Variants in IL1RAPL2 observed in about 807,000 individuals in gnomAD.
The protein encoded by IL1RAPL2 is X-linked interleukin-1 receptor accessory protein-like 2.
In IL1RAPL2, 3 loss-of-function variants were observed where a neutral mutation model predicts 44.1. The observed-to-expected ratio is 0.07, with a 90% CI of 0.03 to 0.18. IL1RAPL2 has a LOEUF of 0.18. Ranked by LOEUF, IL1RAPL2 falls within the 10% of genes least tolerant of loss-of-function variation. The pLI, the probability that IL1RAPL2 is intolerant of heterozygous loss-of-function variation, is 1.00. For synonymous variants in IL1RAPL2, 181 were observed against 178.8 expected, an observed-to-expected ratio of 1.01 and a Z score of -0.10; for missense variants, 391 against 496.4, an observed-to-expected ratio of 0.79 and a Z score of 2.02.
At chrX:105,590,535 G>T (rs1418297228) in intron 6 of IL1RAPL2, among the ~76,000 whole-genome samples, 1 of 111,136 alleles carries the variant, frequency 9.0e-6, no homozygotes, top group Non-Finnish European at 1.9e-5. Flanking sequence ...TTATTTGGAG[G>T]TTTATTCATT....
intron 2 of IL1RAPL2, among the ~76,000 whole-genome samples, chrX:104,726,845 T>C (rs896409711): frequency 1.8e-5 from 2 of 111,058 alleles, no homozygotes; most frequent in Admixed American, 1.9e-4. Context: ...AGTAATGTGA[T>C]GTTTCTACCC....
At chrX:104,673,172 C>A (rs1423429253) in intron 2 of IL1RAPL2, among the ~76,000 whole-genome samples, 17 of 111,538 alleles carry the variant, frequency 1.5e-4, no homozygotes, top group Non-Finnish European at 1.9e-5. Context: ...AGTCCTTGCC[C>A]ATGCCTATGT....
intron 2 of IL1RAPL2, among the ~76,000 whole-genome samples, chrX:105,004,160 C>T (rs947690328): frequency 9.1e-5 from 10 of 110,182 alleles, no homozygotes; most frequent in Admixed American, 2.9e-4. Context: ...GTCTCGATAT[C>T]CTGTTTTCAA....
At chrX:104,944,990 T>C (rs1004765643) in intron 2 of IL1RAPL2, among the ~76,000 whole-genome samples, 4 of 111,883 alleles carry the variant, frequency 3.6e-5, no homozygotes, top group African/African-American at 1.3e-4. Flanking sequence ...AAGGAATAGA[T>C]AAATAATTTG....
intron 5 of IL1RAPL2, among the ~76,000 whole-genome samples, chrX:105,302,801 C>T (rs2147675389): frequency 8.9e-6 from 1 of 111,944 alleles, no homozygotes; most frequent in South Asian, 3.7e-4. Context: ...AAGCTCAGCA[C>T]AGAACCAGGA....
chrX:104,575,242 A>G (rs931009935), intron 1 of IL1RAPL2, among the ~76,000 whole-genome samples: 2 of 111,791 alleles, frequency 1.8e-5, no homozygotes, highest in Non-Finnish European at 3.8e-5. Context: ...TAGAAAATGT[A>G]TATGGATAAA....
At chrX:105,656,353 T>C (rs1275997444) in intron 6 of IL1RAPL2, among the ~76,000 whole-genome samples, 1 of 112,300 alleles carries the variant, frequency 8.9e-6, no homozygotes, top group Non-Finnish European at 1.9e-5. Context: ...TATCTTTGTT[T>C]TGGAGTAGAT....
intron 2 of IL1RAPL2, among the ~76,000 whole-genome samples, chrX:104,894,808 G>A (rs1349987962): frequency 8.9e-6 from 1 of 112,374 alleles, no homozygotes; most frequent in Admixed American, 9.4e-5. Context: ...TCTCCATCCA[G>A]CTTTGTTCCA....
intron 2 of IL1RAPL2, among the ~76,000 whole-genome samples, chrX:104,708,119 T>C (rs1330990686): frequency 1.8e-5 from 2 of 111,957 alleles, no homozygotes; most frequent in Non-Finnish European, 1.9e-5. Context: ...TATCCCTGCT[T>C]GCTCTCTGAC....
chrX:105,363,285 AT>A (rs1251146143), intron 5 of IL1RAPL2, among the ~76,000 whole-genome samples: 1 of 73,096 alleles, frequency 1.4e-5, no homozygotes, highest in Non-Finnish European at 2.3e-5. Context: ...GTGTATATAT[AT>A]ATAATATATA....
intron 2 of IL1RAPL2, among the ~76,000 whole-genome samples, chrX:105,126,848 G>A (rs1229212004): frequency 9.0e-6 from 1 of 110,739 alleles, no homozygotes; most frequent in East Asian, 2.8e-4. Flanking sequence ...ATGTAATCAG[G>A]CAACATACCA....
intron 2 of IL1RAPL2, among the ~76,000 whole-genome samples, chrX:104,884,269 A>G (rs1923165569): frequency 8.9e-6 from 1 of 111,809 alleles, no homozygotes; most frequent in Non-Finnish European, 1.9e-5. Flanking sequence ...CTTGTGGTCT[A>G]GGAGGAAAAC....
intron 2 of IL1RAPL2, among the ~76,000 whole-genome samples, chrX:105,164,278 C>G (rs1167312112): frequency 9.0e-6 from 1 of 111,154 alleles, no homozygotes; most frequent in Non-Finnish European, 1.9e-5. Context: ...CAAAACTTAC[C>G]AGACTGAATT....
chrX:104,778,656 AATT>A (rs1277870474), intron 2 of IL1RAPL2, among the ~76,000 whole-genome samples: 8 of 84,959 alleles, frequency 9.4e-5, no homozygotes, highest in African/African-American at 1.7e-4. Context: ...CTCTGCTTTC[AATT>A]ATTATTTATT....
At chrX:105,107,715 T>A (rs1029871648) in intron 2 of IL1RAPL2, among the ~76,000 whole-genome samples, 1 of 111,488 alleles carries the variant, frequency 9.0e-6, no homozygotes, top group Non-Finnish European at 1.9e-5. Context: ...ATTCATTCTT[T>A]TTGAGAATAT....
intron 2 of IL1RAPL2, among the ~76,000 whole-genome samples, chrX:104,680,894 TTATCTA>T (rs1443840896): frequency 8.9e-6 from 1 of 112,243 alleles, no homozygotes; most frequent in African/African-American, 3.2e-5. Flanking sequence ...CTTATCTAAT[TTATCTA>T]TATAGTATTT....
At chrX:105,532,502 TC>T (rs2037760614) in intron 6 of IL1RAPL2, among the ~76,000 whole-genome samples, 1 of 111,522 alleles carries the variant, frequency 9.0e-6, no homozygotes, top group South Asian at 3.7e-4. Context: ...ATTTTTTTTT[TC>T]ATTTGTGGGG....
chrX:105,278,868 A>G (rs1457296468), intron 5 of IL1RAPL2, among the ~76,000 whole-genome samples: 2 of 111,006 alleles, frequency 1.8e-5, no homozygotes, highest in Admixed American at 9.7e-5. Flanking sequence ...CACTAGTTCT[A>G]TTCCTTCCTG....
intron 6 of IL1RAPL2, among the ~76,000 whole-genome samples, chrX:105,710,922 A>G (rs2147547869): frequency 9.4e-6 from 1 of 106,709 alleles, no homozygotes; most frequent in East Asian, 2.9e-4. Context: ...TGATTAAATT[A>G]CACTGATATA....
Sources: allele counts gnomAD v4.1 joint callset (sites outside exome capture counted in the v4.1 genomes callset), GRCh38; gene constraint gnomAD v4.1.1; transcripts MANE v1.5; gene names NCBI Gene and HGNC (gene_info 2026-07-23, HGNC 2026-07-21).